Variants in FSTL4 observed in about 807,000 individuals in gnomAD.
The protein encoded by FSTL4 is follistatin-related protein 4.
In FSTL4, 28 loss-of-function variants were observed where a neutral mutation model predicts 78.2. That is an observed-to-expected ratio of 0.36 (90% CI 0.27 to 0.49). FSTL4 has a LOEUF of 0.49. FSTL4 is among the 20% of genes least tolerant of loss of function. FSTL4 has a pLI of 0.98. For missense variants in FSTL4, 922 were observed against 1,084.9 expected (o/e 0.85, Z 2.11); for synonymous variants, 422 against 440.5 (o/e 0.96, Z 0.53).
At chr5:133,499,210 G>GC (rs1217135864) in intron 3 of FSTL4, among the ~76,000 whole-genome samples, 1 of 152,004 alleles carries the variant, frequency 6.6e-6, no homozygotes, top group East Asian at 1.9e-4. Context: ...CAGCTTTCAC[G>GC]CCATCCCTGT....
At chr5:133,502,249 T>C (rs140201561) in intron 3 of FSTL4, among the ~76,000 whole-genome samples, 71 of 152,294 alleles carry the variant, frequency 4.7e-4, no homozygotes, top group South Asian at 1.2e-3. Flanking sequence ...GTAGGACTGA[T>C]AGAATGACAC....
At chr5:133,491,222 T>C (rs904749651) in intron 3 of FSTL4, among the ~76,000 whole-genome samples, 1 of 152,234 alleles carries the variant, frequency 6.6e-6, no homozygotes, top group Non-Finnish European at 1.5e-5. Flanking sequence ...GTCGATGTTA[T>C]TGTATAAGTT....
chr5:133,621,228 G>A, the FSTL4 span, among the ~76,000 whole-genome samples: 1 of 152,080 alleles, frequency 6.6e-6, no homozygotes, highest in Non-Finnish European at 1.5e-5. Context: ...GTGAAACCCT[G>A]TCTCTACTAA....
chr5:133,380,327 C>G (rs957503927), intron 4 of FSTL4, among the ~76,000 whole-genome samples: 1 of 150,768 alleles, frequency 6.6e-6, no homozygotes, highest in African/African-American at 2.4e-5. Flanking sequence ...TTAGAAGTCT[C>G]GAATTACTAA....
chr5:133,841,384 C>T, the FSTL4 span, among the ~76,000 whole-genome samples: 2 of 152,220 alleles, frequency 1.3e-5, no homozygotes, highest in Non-Finnish European at 2.9e-5. Context: ...GGTATCACCG[C>T]ACCCAGCACC....
the FSTL4 span, among the ~76,000 whole-genome samples, chr5:133,727,466 G>A: frequency 6.6e-6 from 1 of 152,174 alleles, no homozygotes; most frequent in East Asian, 1.9e-4. Flanking sequence ...TCTTCCCACT[G>A]GGCACACCTG....
the FSTL4 span, among the ~76,000 whole-genome samples, chr5:133,704,859 A>G: frequency 6.6e-6 from 1 of 152,204 alleles, no homozygotes; most frequent in African/African-American, 2.4e-5. Context: ...CACACCCACT[A>G]CTGCTCTAAG....
the FSTL4 span, among the ~76,000 whole-genome samples, chr5:133,655,660 T>C: frequency 2.0e-5 from 3 of 151,846 alleles, no homozygotes; most frequent in East Asian, 5.8e-4. Flanking sequence ...AAACATAAAA[T>C]GAACAAACAG....
rs970088723 is a variant in FSTL4 at position 133,611,562 on chromosome 5, C to T, written c.-11+763G>A. ...ATCCACAGTGCAAGCTCTCTTAGGA[C>T]CAAGCCCCCAGCCCGAACGCTGAAC... On this transcript the variant is annotated intron_variant, in intron 1 of 15. Coordinates refer to ENST00000265342, the MANE Select transcript of FSTL4 (RefSeq NM_015082.2). This position sits in a 1 kb window ranked among gnomAD's most constrained non-coding sequence, Gnocchi z 4.9. Among the ~76,000 whole-genome samples, 2 of 152,206 alleles carry T rather than the reference C, an allele frequency of 1.3e-5. No homozygotes were observed. The highest frequency in any genetic ancestry group is 4.8e-5 in the African/African-American group (2 of 41,454).
At chr5:133,232,327 G>C (rs1420283802) in intron 8 of FSTL4, among the ~76,000 whole-genome samples, 2 of 152,190 alleles carry the variant, frequency 1.3e-5, no homozygotes, top group Non-Finnish European at 2.9e-5. Context: ...CCTGTGCATG[G>C]AATCTTGACC....
chr5:133,629,327 C>T, the FSTL4 span, among the ~76,000 whole-genome samples: 1 of 152,156 alleles, frequency 6.6e-6, no homozygotes, highest in Admixed American at 6.5e-5. Flanking sequence ...ACCACTATTC[C>T]CACAGAAATA....
chr5:133,289,623 A>G (rs1156541512), intron 6 of FSTL4, among the ~76,000 whole-genome samples: 1 of 152,198 alleles, frequency 6.6e-6, no homozygotes, highest in Non-Finnish European at 1.5e-5. Flanking sequence ...GCAGAGGGGC[A>G]GGTGTCCTGC....
intron 3 of FSTL4, among the ~76,000 whole-genome samples, chr5:133,473,365 T>G (rs1369124430): frequency 6.6e-6 from 1 of 152,218 alleles, no homozygotes; most frequent in Non-Finnish European, 1.5e-5. Flanking sequence ...TGGTCGTGAC[T>G]GGACAAAGTG....
At chr5:133,443,096 A>G (rs1757193808) in intron 3 of FSTL4, among the ~76,000 whole-genome samples, 1 of 152,198 alleles carries the variant, frequency 6.6e-6, no homozygotes, top group Non-Finnish European at 1.5e-5. Context: ...GCGCATCCTC[A>G]ACCTCCTTTG....
chr5:133,600,202 C>T (rs981600720), intron 2 of FSTL4, among the ~76,000 whole-genome samples: 7 of 152,096 alleles, frequency 4.6e-5, no homozygotes, highest in African/African-American at 1.7e-4. Context: ...ATAAGATATT[C>T]AATATTTTAT....
rs1314534502 is a variant in FSTL4, at chr5:133,199,488, G to A, written c.2136C>T (p.His712=). 22 of 1,614,090 alleles carry A rather than the reference G, an allele frequency of 1.4e-5. No homozygotes were observed. Among genetic ancestry groups the A allele is most frequent in the Non-Finnish European group, 1.6e-5 (19 of 1,180,034 alleles). ...VSAAADSPWL[H]VQEITVRGEI... ...CGCCCCGCACTGTGATCTCCTGCACGTGCAGCCAGGGGCTGTCAGCTGCAG... is the reference window on the plus strand; with the variant it reads ...CGCCCCGCACTGTGATCTCCTGCACATGCAGCCAGGGGCTGTCAGCTGCAG... The change falls in exon 16 of 16, where the codon CAC becomes CAT. Residue 712 remains histidine (H), a synonymous_variant. Coordinates refer to ENST00000265342, the MANE Select transcript of FSTL4 (RefSeq NM_015082.2). This position sits in a 1 kb window ranked among gnomAD's most constrained non-coding sequence, Gnocchi z 4.4.
At chr5:133,577,725 G>A (rs26358) in intron 2 of FSTL4, among the ~76,000 whole-genome samples, 11,766 of 152,118 alleles carry the variant, frequency 0.077, 526 homozygotes, top group Non-Finnish European at 0.097. Context: ...GCAACATAGT[G>A]AAACCCCCCT....
chr5:133,371,201 A>G (rs1561689845), intron 4 of FSTL4, among the ~76,000 whole-genome samples: 1 of 152,322 alleles, frequency 6.6e-6, no homozygotes, highest in East Asian at 1.9e-4. Flanking sequence ...CAGCTCTGGG[A>G]CTTAATGGAA....
At chr5:133,707,851 A>G in the FSTL4 span, among the ~76,000 whole-genome samples, 1 of 152,014 alleles carries the variant, frequency 6.6e-6, no homozygotes, top group Non-Finnish European at 1.5e-5. Context: ...CTTTCTGCAC[A>G]GTGCTTCCCT....
Sources: gnomAD v4.1 joint callset for allele counts (sites outside exome capture counted in the v4.1 genomes callset) on GRCh38, gnomAD v4.1.1 for gene constraint, Gnocchi (gnomAD v3.1) non-coding constraint, MANE v1.5 for transcripts, NCBI Gene and HGNC (gene_info 2026-07-23, HGNC 2026-07-21) for gene names.